MYOF: variants seen among roughly 807,000 people sequenced by gnomAD.
The protein encoded by MYOF is fer-1-like 3, myoferlin.
In MYOF, 244 loss-of-function variants were observed where a neutral mutation model predicts 284.2. That is an observed-to-expected ratio of 0.86 (90% CI 0.77 to 0.95). MYOF has a LOEUF of 0.95. Among genes scored for constraint, MYOF ranks in the 40% least tolerant of loss-of-function variants. MYOF has a pLI of 0.00. For synonymous variants in MYOF, 904 were observed against 919.7 expected (o/e 0.98, Z 0.31); for missense variants, 2,496 against 2,560.6 (o/e 0.97, Z 0.54).
intron 27 of MYOF, 66 bp downstream of exon 27, chr10:93,363,895 T>C (rs1812459613): frequency 3.4e-6 from 5 of 1,452,344 alleles, no homozygotes; most frequent in Non-Finnish European, 3.8e-6. Flanking sequence ...AGGTGGCTGC[T>C]GGGTTCCCCG....
At chr10:93,448,765 T>TCA (rs1164054726) in intron 3 of MYOF, among the ~76,000 whole-genome samples, 1 of 152,084 alleles carries the variant, frequency 6.6e-6, no homozygotes, top group Non-Finnish European at 1.5e-5. Flanking sequence ...GAGACCAAGG[T>TCA]GGGCAGATCA....
At position 93,328,766 on chromosome 10, in the gene MYOF, A is replaced by C; in HGVS notation, c.5128T>G (p.Phe1710Val). 6.2e-7 allele frequency: 1 copy of C among 1,608,972 alleles called. No homozygotes were observed. The highest frequency in any genetic ancestry group is 8.5e-7 in the Non-Finnish European group (1 of 1,175,626). Residue 1710 changes from phenylalanine to valine, a missense_variant, in exon 45 of 54, where the codon TTT becomes GTT. Phe to Val is a conservative substitution (Grantham distance 50, BLOSUM62 -1). This residue lies in a region of MYOF where 2,436 missense variants were observed against 2,480.7 expected (regional missense o/e 0.98). Coordinates refer to ENST00000359263, the MANE Select transcript of MYOF (RefSeq NM_013451.4). ...CAATCCACAGCTAGGTGCTCACCAA[A>C]TTCATCCAAGCTGTAGTCTCGTCCT... Reference protein sequence around the residue: ...YGGRDYSLDEFEANKILHQHL... With the variant: ...YGGRDYSLDEVEANKILHQHL...
intron 22 of MYOF, 63 bp downstream of exon 22, chr10:93,377,260 T>C: frequency 8.9e-7 from 1 of 1,127,918 alleles, no homozygotes; most frequent in Non-Finnish European, 1.3e-6. Flanking sequence ...GGATTTACAG[T>C]CTTAGAATTT....
chr10:93,384,223 A>T (rs762991379), intron 19 of MYOF, among the ~76,000 whole-genome samples: 114 of 152,180 alleles, frequency 7.5e-4, no homozygotes, highest in Non-Finnish European at 1.1e-3. Context: ...GCTCCCTCAG[A>T]CCTTTCCCAC....
chr10:93,410,518 G>A lies in MYOF; in HGVS notation c.434-779C>T, dbSNP rs180888886. ...TCTCTTGTGTACCTCTGGGGGTTCC[G>A]TCTCTATTGCAGCTTTTCCTCTGCC... On this transcript the variant is annotated intron_variant, in intron 5 of 53. Coordinates refer to ENST00000359263, the MANE Select transcript of MYOF (RefSeq NM_013451.4). Among the ~76,000 whole-genome samples, 25 of 152,138 alleles carry A rather than the reference G, an allele frequency of 1.6e-4. No homozygotes were observed. The East Asian group carries it at 2.3e-3, about 14-fold the overall frequency.
Position 93,387,799 on chromosome 10 carries a change from C to T in MYOF, c.1696G>A (p.Glu566Lys), listed in dbSNP as rs1319069231. 6.2e-7 allele frequency: 1 copy of T among 1,613,038 alleles called. No homozygotes were observed. The highest frequency in any genetic ancestry group is 1.1e-5 in the South Asian group (1 of 91,062). ...ATTACTCACACTTTAACATTTACCT[C>T]AACAACCAGCAGGTCATCATTTGAA... The part of the protein sequence containing the change: ...PISNDDLLVV[E>K]KYQRRRKYSL... Residue 566 changes from glutamate to lysine, a missense_variant and splice_region_variant, in exon 19 of 54, where the codon GAG becomes AAG. Glu to Lys is a moderately conservative substitution (Grantham distance 56). Transcript: ENST00000359263.
At chr10:93,391,144 T>G (rs1174271960) in intron 17 of MYOF, among the ~76,000 whole-genome samples, 1 of 152,230 alleles carries the variant, frequency 6.6e-6, no homozygotes, top group Non-Finnish European at 1.5e-5. Flanking sequence ...TCAAGAATGA[T>G]CCACTGCATA....
intron 1 of MYOF, among the ~76,000 whole-genome samples, chr10:93,467,030 A>G (rs1238590995): frequency 6.6e-6 from 1 of 152,120 alleles, no homozygotes; most frequent in Non-Finnish European, 1.5e-5. Context: ...AGATATGAGT[A>G]TGCTCATTTT....
chr10:93,364,847 A>AAAG (rs1356395445), intron 26 of MYOF, among the ~76,000 whole-genome samples: 4 of 152,082 alleles, frequency 2.6e-5, no homozygotes. Context: ...CCAGCACAGG[A>AAAG]AAGGAATCAA....
intron 1 of MYOF, among the ~76,000 whole-genome samples, chr10:93,473,344 G>A (rs1213099673): frequency 1.3e-5 from 2 of 152,170 alleles, no homozygotes; most frequent in African/African-American, 2.4e-5. Context: ...ACAGTTAATT[G>A]GAGCAGGGCT....
chr10:93,481,962 C>T (rs2057388113), intron 1 of MYOF, 145 bp downstream of exon 1: 2 of 706,000 alleles, frequency 2.8e-6, no homozygotes, highest in South Asian at 1.8e-5. Flanking sequence ...GAAACGGGTC[C>T]TCTCCCCTGT....
intron 24 of MYOF, among the ~76,000 whole-genome samples, chr10:93,371,902 C>T (rs948653331): frequency 1.3e-5 from 2 of 152,116 alleles, no homozygotes; most frequent in Non-Finnish European, 2.9e-5. Context: ...AGAGAAGGTG[C>T]CTTTGTCTCC....
chr10:93,317,167 A>ACAATATC (rs1554835893), intron 49 of MYOF, among the ~76,000 whole-genome samples: 5 of 138,306 alleles, frequency 3.6e-5, no homozygotes, highest in Non-Finnish European at 7.7e-5. Context: ...AGATCAGCCC[A>ACAATATC]CAGTATCACC....
chr10:93,412,355 C>T (rs574104182), intron 5 of MYOF, among the ~76,000 whole-genome samples: 104 of 152,308 alleles, frequency 6.8e-4, no homozygotes, highest in South Asian at 3.9e-3. Context: ...ATCTGGACCT[C>T]CTCTTGCCTA....
intron 32 of MYOF, 118 bp from the exon 33 acceptor site, chr10:93,351,964 G>T: frequency 1.1e-6 from 1 of 917,710 alleles, no homozygotes; most frequent in Non-Finnish European, 1.6e-6. Context: ...CTGACCACCT[G>T]CCTGGAGATA....
At position 93,369,110 on chromosome 10, in the gene MYOF, C is replaced by CTTTTTTTTTTT. The variant is rs66923086; in HGVS notation, c.2589+524_2589+534dup. Among the ~76,000 whole-genome samples the CTTTTTTTTTTT allele has an allele frequency of 4.2e-4, 33 of 78,312 alleles. 5 individuals are homozygous for CTTTTTTTTTTT. The highest frequency in any genetic ancestry group is 1.0e-3 in the African/African-American group (16 of 15,448). 51.4% of individuals were successfully genotyped at this position (78,312 alleles called of 152,430 possible). A position where few individuals can be genotyped will look rare whatever the true frequency, so the allele number is the denominator to read the frequency against. Reference sequence around the variant, plus strand: ...TATTGTTTTAGAAGTATTCAGACAGCTTTTTTTTTTTTTTTTTTTTTTGCC... The same window carrying CTTTTTTTTTTT: ...TATTGTTTTAGAAGTATTCAGACAGCTTTTTTTTTTTTTTTTTTTTTTTTTTTTTTTTTGCC... On this transcript the variant is annotated intron_variant, in intron 25 of 53. Coordinates refer to ENST00000359263, the MANE Select transcript of MYOF (RefSeq NM_013451.4).
At chr10:93,433,576 C>T (rs1848969243) in intron 3 of MYOF, among the ~76,000 whole-genome samples, 1 of 152,190 alleles carries the variant, frequency 6.6e-6, no homozygotes. Context: ...AACATTGAGT[C>T]CTTAAAGTGA....
At chr10:93,363,887 G>A in intron 27 of MYOF, 74 bp downstream of exon 27, 2 of 1,354,136 alleles carry the variant, frequency 1.5e-6, no homozygotes, top group Admixed American at 1.8e-5. Context: ...CCCAAGCCAG[G>A]TGGCTGCTGG....
At chr10:93,451,873 G>C (rs1008766917) in intron 3 of MYOF, among the ~76,000 whole-genome samples, 177 bp downstream of exon 3, 3 of 152,196 alleles carry the variant, frequency 2.0e-5, no homozygotes, top group Non-Finnish European at 2.9e-5. Flanking sequence ...TTGGGAAAAA[G>C]TGCTGTGATG....
Sources: gnomAD v4.1 joint callset for allele counts (sites outside exome capture counted in the v4.1 genomes callset) on GRCh38, gnomAD v4.1.1 for gene constraint, gnomAD v4.1.1 regional missense constraint, MANE v1.5 for transcripts, NCBI Gene and HGNC (gene_info 2026-07-23, HGNC 2026-07-21) for gene names.